Variants in CAST observed in about 807,000 individuals in gnomAD.
CAST encodes MIR583 host.
Under a neutral mutation model 119.6 loss-of-function variants are expected in CAST, and 76 were observed. The observed-to-expected ratio is 0.64, with a 90% CI of 0.53 to 0.77. The LOEUF (loss-of-function observed/expected upper bound fraction) is 0.77. CAST is among the 30% of genes least tolerant of loss of function. The probability of loss-of-function intolerance (pLI) is 0.00; values close to 1 mark genes in which losing one functional copy is unlikely to be tolerated. For missense variants in CAST, 953 were observed against 946.5 expected (o/e 1.01, Z -0.09); for synonymous variants, 319 against 331.6 (o/e 0.96, Z 0.41).
chr5:96,391,757 C>T, the CAST span: 1 of 152,124 alleles, frequency 6.6e-6, no homozygotes, highest in South Asian at 2.1e-4. Context: ...TTGCCATGAG[C>T]AAAGATGGGT....
the CAST span, among the ~76,000 whole-genome samples, chr5:96,401,981 G>A: frequency 1.3e-5 from 2 of 152,170 alleles, no homozygotes; most frequent in Non-Finnish European, 2.9e-5. Context: ...TTTGAGACCT[G>A]TATTGTTCCC....
At chr5:95,982,732 A>G in the CAST span, among the ~76,000 whole-genome samples, 1 of 152,236 alleles carries the variant, frequency 6.6e-6, no homozygotes, top group East Asian at 1.9e-4. Flanking sequence ...TATGATCCCA[A>G]CATATTTTAC....
the CAST span, among the ~76,000 whole-genome samples, chr5:96,477,021 G>T: frequency 6.7e-6 from 1 of 149,956 alleles, no homozygotes; most frequent in Non-Finnish European, 1.5e-5. Context: ...TTCCTTCAGA[G>T]TTGTTGATCT....
intron 20 of CAST, among the ~76,000 whole-genome samples, chr5:96,752,807 T>G (rs1341371446): frequency 6.6e-6 from 1 of 152,028 alleles, no homozygotes; most frequent in Non-Finnish European, 1.5e-5. Context: ...ATAATAAGAT[T>G]AAACTCTGAG....
the CAST span, among the ~76,000 whole-genome samples, chr5:96,052,464 T>C: frequency 1.2e-4 from 18 of 152,198 alleles, no homozygotes; most frequent in African/African-American, 2.7e-4. Flanking sequence ...CAGGAATAGA[T>C]TAATTGGATG....
the CAST span, among the ~76,000 whole-genome samples, chr5:96,484,871 T>C: frequency 3.9e-5 from 6 of 152,110 alleles, no homozygotes; most frequent in African/African-American, 7.2e-5. Flanking sequence ...TCAATAAAAG[T>C]ACCTGTGAGA....
At chr5:96,633,033 G>A (rs1238688238) in intron 1 of CAST, among the ~76,000 whole-genome samples, 10 of 152,082 alleles carry the variant, frequency 6.6e-5, no homozygotes, top group South Asian at 2.1e-4. Context: ...GTGCAGTGGC[G>A]CAATCTCAGC....
intron 6 of CAST, among the ~76,000 whole-genome samples, chr5:96,728,008 A>G (rs1361209815): frequency 6.6e-6 from 1 of 152,128 alleles, no homozygotes; most frequent in Non-Finnish European, 1.5e-5. Context: ...GAGCTAGTTA[A>G]CAGTTACACA....
chr5:96,774,630 GT>G lies in CAST; in HGVS notation c.*2017del, dbSNP rs1390910668. ...CAAAACTGAAAATCAATATTTCCAT[GT>G]TTCATTAATCAAGGCATAAAATACA... On this transcript the variant is annotated 3_prime_UTR_variant, in exon 32 of 32. Coordinates refer to ENST00000675179, the MANE Select transcript of CAST (RefSeq NM_001750.7). 9 of 985,082 alleles carry G rather than the reference GT, an allele frequency of 9.1e-6. No homozygotes were observed. The highest frequency in any genetic ancestry group is 1.2e-4 in the Admixed American group (2 of 16,260). The allele number at this position is 985,082 out of a possible 1,614,324, so 61.0% of individuals were successfully genotyped here. A position where few individuals can be genotyped will look rare whatever the true frequency, so the allele number is the denominator to read the frequency against.
chr5:96,734,270 T>C (rs1761190093), intron 9 of CAST, among the ~76,000 whole-genome samples: 1 of 152,178 alleles, frequency 6.6e-6, no homozygotes, highest in African/African-American at 2.4e-5. Flanking sequence ...GGTGAATTTG[T>C]ACATGTGGTG....
chr5:96,616,775 C>T (rs1219388855), intron 1 of CAST, among the ~76,000 whole-genome samples: 11 of 151,756 alleles, frequency 7.2e-5, no homozygotes, highest in African/African-American at 2.2e-4. Context: ...CACACACACA[C>T]ACACACACAC....
chr5:95,974,026 CA>C, the CAST span, among the ~76,000 whole-genome samples: 13 of 152,142 alleles, frequency 8.5e-5, 1 homozygote, highest in South Asian at 6.2e-4. Flanking sequence ...CACACACACA[CA>C]CACCCCCACT....
At chr5:96,626,339 A>C (rs1747722600) in intron 1 of CAST, among the ~76,000 whole-genome samples, 1 of 152,164 alleles carries the variant, frequency 6.6e-6, no homozygotes, top group South Asian at 2.1e-4. Flanking sequence ...ACAAAGCATT[A>C]AATTAGGTAA....
At chr5:96,139,144 C>T in the CAST span, among the ~76,000 whole-genome samples, 1 of 151,852 alleles carries the variant, frequency 6.6e-6, no homozygotes, top group Non-Finnish European at 1.5e-5. Flanking sequence ...AATATCATTC[C>T]CATTCTATAA....
At chr5:96,751,485 C>T (rs1262415262) in intron 20 of CAST, among the ~76,000 whole-genome samples, 1 of 152,126 alleles carries the variant, frequency 6.6e-6, no homozygotes, top group African/African-American at 2.4e-5. Context: ...ATTTCAGAGC[C>T]TCAGTTGAGA....
chr5:96,192,461 C>T, the CAST span, among the ~76,000 whole-genome samples: 41 of 152,204 alleles, frequency 2.7e-4, no homozygotes, highest in South Asian at 3.3e-3. Flanking sequence ...TAGGAATAAA[C>T]GATCTCATTG....
At chr5:96,275,246 T>TAAG in the CAST span, among the ~76,000 whole-genome samples, 4 of 152,322 alleles carry the variant, frequency 2.6e-5, no homozygotes, top group South Asian at 8.3e-4. Context: ...ATTGACTCAA[T>TAAG]AAGTCACTAA....
the CAST span, among the ~76,000 whole-genome samples, chr5:96,234,827 T>C: frequency 1.3e-4 from 20 of 152,274 alleles, no homozygotes; most frequent in Middle Eastern, 3.4e-3. Context: ...TGTATGTGTG[T>C]ATGTGTGTGT....
chr5:96,432,270 C>G, the CAST span: 4 of 725,876 alleles, frequency 5.5e-6, no homozygotes, highest in Non-Finnish European at 9.0e-6. Flanking sequence ...TTTCTCCCCC[C>G]AGCTTCCCAG....
Sources: gnomAD v4.1 joint callset for allele counts (sites outside exome capture counted in the v4.1 genomes callset) on GRCh38, gnomAD v4.1.1 for gene constraint, MANE v1.5 for transcripts, NCBI Gene and HGNC (gene_info 2026-07-23, HGNC 2026-07-21) for gene names.